The following TIAM2 variants were observed in gnomAD, a reference collection of about 807,000 sequenced individuals.
TIAM2 encodes TIAM Rac1 associated GEF 2.
TIAM2 carries 80 observed loss-of-function variants against 152.9 expected under a neutral mutation model. That is an observed-to-expected ratio of 0.52 (90% CI 0.44 to 0.63). TIAM2 has a LOEUF of 0.63. Among genes scored for constraint, TIAM2 ranks in the 30% least tolerant of loss-of-function variants. The pLI, the probability that TIAM2 is intolerant of heterozygous loss-of-function variation, is 0.00. For missense variants in TIAM2, 1,965 were observed against 2,120.1 expected (o/e 0.93, Z 1.44); for synonymous variants, 804 against 838.0 (o/e 0.96, Z 0.70).
At chr6:155,244,978 C>A in intron 18 of TIAM2, 195 bp downstream of exon 18, 1 of 640,236 alleles carries the variant, frequency 1.6e-6, no homozygotes, top group Non-Finnish European at 2.3e-6. Flanking sequence ...TTTCCTGGCG[C>A]AGGTGCTTTT....
At chr6:155,054,841 A>G (rs1777407117) in intron 1 of TIAM2, among the ~76,000 whole-genome samples, 1 of 152,210 alleles carries the variant, frequency 6.6e-6, no homozygotes, top group Non-Finnish European at 1.5e-5. Flanking sequence ...AGGAGAGGAC[A>G]GAATATTTGA....
chr6:155,180,635 C>G (rs1780880969), intron 12 of TIAM2, among the ~76,000 whole-genome samples: 1 of 151,966 alleles, frequency 6.6e-6, no homozygotes, highest in African/African-American at 2.4e-5. Context: ...CATAGTCTTG[C>G]TCTGTCACCC....
At position 155,027,423 on chromosome 6, in the gene TIAM2, CATATATACT is replaced by C. The variant is rs1220770918; in HGVS notation, c.-209+31939_-209+31947del. ...TATATATAATATATATACTGTGTTACATATATACTATATATAATATATATACTGTGTTAC... is the reference window on the plus strand; with the variant it reads ...TATATATAATATATATACTGTGTTACATATATAATATATATACTGTGTTAC... On this transcript the variant is annotated intron_variant, in intron 1 of 26. Coordinates refer to ENST00000682666, the MANE Select transcript of TIAM2 (RefSeq NM_012454.4). Among the ~76,000 whole-genome samples the C allele has an allele frequency of 5.4e-3, 535 of 98,950 alleles. 16 individuals carry two copies. Among genetic ancestry groups the C allele is most frequent in the East Asian group, 0.024 (83 of 3,474 alleles). 64.9% of individuals were successfully genotyped at this position (98,950 alleles called of 152,430 possible). A position where few individuals can be genotyped will look rare whatever the true frequency, so the allele number is the denominator to read the frequency against.
chr6:155,219,490 A>G (rs1314732027), intron 15 of TIAM2, among the ~76,000 whole-genome samples: 3 of 152,184 alleles, frequency 2.0e-5, no homozygotes, highest in Non-Finnish European at 4.4e-5. Flanking sequence ...CATATGCCTT[A>G]TTCTGCCTCT....
At chr6:155,125,230 C>T (rs142608711) in intron 2 of TIAM2, among the ~76,000 whole-genome samples, 5 of 152,024 alleles carry the variant, frequency 3.3e-5, no homozygotes, top group Admixed American at 1.3e-4. Context: ...GAGATTGTAC[C>T]GCTGCACTCC....
At chr6:155,014,524 A>C (rs1193697860) in intron 1 of TIAM2, among the ~76,000 whole-genome samples, 1 of 152,232 alleles carries the variant, frequency 6.6e-6, no homozygotes, top group African/African-American at 2.4e-5. Flanking sequence ...CATGAAACTC[A>C]ATCACAAGAC....
At chr6:154,999,696 G>A (rs1397875725) in intron 1 of TIAM2, among the ~76,000 whole-genome samples, 1 of 150,768 alleles carries the variant, frequency 6.6e-6, no homozygotes, top group African/African-American at 2.4e-5. Flanking sequence ...TTTTTGAGAC[G>A]GAGTCTCACT....
chr6:155,039,649 G>A (rs891006143), intron 1 of TIAM2, among the ~76,000 whole-genome samples: 2 of 149,918 alleles, frequency 1.3e-5, no homozygotes, highest in South Asian at 4.2e-4. Context: ...GGTGGTTGGT[G>A]GGGGGGCTCT....
At chr6:155,226,594 G>A (rs1264611064) in intron 15 of TIAM2, among the ~76,000 whole-genome samples, 1 of 151,626 alleles carries the variant, frequency 6.6e-6, no homozygotes, top group African/African-American at 2.4e-5. Flanking sequence ...GAACCCAGGA[G>A]GCGGAGGTTG....
intron 1 of TIAM2, among the ~76,000 whole-genome samples, chr6:155,083,034 G>T (rs1778101299): frequency 6.6e-6 from 1 of 152,012 alleles, no homozygotes. Context: ...TCTGAGTATT[G>T]ATTGACAGGG....
chr6:155,070,184 G>A (rs1206762996), intron 1 of TIAM2, among the ~76,000 whole-genome samples: 3 of 136,852 alleles, frequency 2.2e-5, no homozygotes, highest in African/African-American at 5.6e-5. Context: ...GAGATTACAG[G>A]TATGAGCCAC....
chr6:155,234,399 G>A, intron 15 of TIAM2, among the ~76,000 whole-genome samples: 1 of 152,170 alleles, frequency 6.6e-6, no homozygotes, highest in East Asian at 1.9e-4. Flanking sequence ...ATCGTTAGTG[G>A]CTGGGACCAC....
chr6:155,054,941 G>A lies in TIAM2; in HGVS notation c.-208-35348G>A, dbSNP rs141596359. ...GGACACTGGGTTACTTTCTGTGGTC[G>A]ACATACATATTGAGGAAATGATCTG... On this transcript the variant is annotated intron_variant, in intron 1 of 26. Coordinates refer to ENST00000682666, the MANE Select transcript of TIAM2 (RefSeq NM_012454.4). 2.8e-3 allele frequency among the ~76,000 whole-genome samples: 429 copies of A among 152,212 alleles called. 4 individuals carry two copies. Among genetic ancestry groups the A allele is most frequent in the African/African-American group, 0.01 (419 of 41,534 alleles).
intron 1 of TIAM2, among the ~76,000 whole-genome samples, chr6:155,028,247 C>G (rs1776666981): frequency 2.4e-5 from 3 of 124,694 alleles, no homozygotes; most frequent in South Asian, 2.5e-4. Context: ...AATATATGTA[C>G]TGTGTTACAT....
chr6:155,119,435 G>C (rs889338651), intron 2 of TIAM2, among the ~76,000 whole-genome samples: 2 of 151,808 alleles, frequency 1.3e-5, no homozygotes, highest in African/African-American at 2.4e-5. Flanking sequence ...TGCCTCCCAG[G>C]TTCAAGTGAT....
At chr6:155,105,228 T>C (rs1292479740) in intron 2 of TIAM2, among the ~76,000 whole-genome samples, 1 of 152,196 alleles carries the variant, frequency 6.6e-6, no homozygotes. Context: ...GGCACAGTCT[T>C]GGCTCACTGC....
chr6:155,099,622 A>G (rs1048130498), intron 2 of TIAM2, among the ~76,000 whole-genome samples: 1 of 152,220 alleles, frequency 6.6e-6, no homozygotes, highest in African/African-American at 2.4e-5. Context: ...ACATTGCTTC[A>G]TAACAGTGTT....
At chr6:155,048,381 C>T (rs1562300472) in intron 1 of TIAM2, among the ~76,000 whole-genome samples, 1 of 152,198 alleles carries the variant, frequency 6.6e-6, no homozygotes, top group African/African-American at 2.4e-5. Flanking sequence ...GCGTGAGCCA[C>T]CACGCCTGGC....
intron 1 of TIAM2, among the ~76,000 whole-genome samples, chr6:155,085,315 A>G (rs1292602825): frequency 6.6e-6 from 1 of 152,194 alleles, no homozygotes; most frequent in Non-Finnish European, 1.5e-5. Flanking sequence ...TTTAGTAACA[A>G]ATGCATTCTA....
Sources: gnomAD v4.1 joint callset for allele counts (sites outside exome capture counted in the v4.1 genomes callset) on GRCh38, gnomAD v4.1.1 for gene constraint, MANE v1.5 for transcripts, NCBI Gene and HGNC (gene_info 2026-07-23, HGNC 2026-07-21) for gene names.